Variants in ATP2C2 observed in about 807,000 individuals in gnomAD.
ATP2C2 encodes ATPase secretory pathway Ca2+ transporting 2, also known as calcium-transporting ATPase type 2C member 2.
In ATP2C2, 171 loss-of-function variants were observed where a neutral mutation model predicts 110.8. The observed-to-expected ratio is 1.54, with a 90% confidence interval of 1.36 to 1.75. ATP2C2 has a LOEUF of 1.75. Ranked by LOEUF, ATP2C2 falls within the 40% of genes most tolerant of loss-of-function variation. The probability of loss-of-function intolerance (pLI) is 0.00; values close to 1 mark genes in which losing one functional copy is unlikely to be tolerated. For missense variants in ATP2C2, 1,963 were observed against 1,235.0 expected (o/e 1.59, Z -8.84); for synonymous variants, 804 against 508.4 (o/e 1.58, Z -7.82).
Position 84,433,413 on chromosome 16 carries a change from C to T in ATP2C2, c.987-5753C>T, listed in dbSNP as rs144320286. 1.2e-3 allele frequency among the ~76,000 whole-genome samples: 85 copies of T among 68,126 alleles called. No homozygotes were observed. In the East Asian group the frequency reaches 0.016, roughly 13 times the overall value. 44.7% of individuals were successfully genotyped at this position (68,126 alleles called of 152,430 possible). On this transcript the variant is annotated intron_variant, in intron 11 of 26. Transcript: ENST00000262429. ...ACAAAAACAAAAGAAAACCAAAAAA[C>T]CAAAAAAATCTCCTGCAGATCATGA...
chr16:84,424,334 A>C (rs903929333), intron 10 of ATP2C2, among the ~76,000 whole-genome samples: 2 of 152,228 alleles, frequency 1.3e-5, no homozygotes, highest in African/African-American at 4.8e-5. Context: ...ACTGGAGAGC[A>C]GTGGCGTGAT....
At chr16:84,401,436 G>A (rs1905315363) in intron 2 of ATP2C2, among the ~76,000 whole-genome samples, 1 of 151,902 alleles carries the variant, frequency 6.6e-6, no homozygotes, top group Non-Finnish European at 1.5e-5. Flanking sequence ...TGTTGACCAG[G>A]CTGATCTCGA....
At chr16:84,417,030 G>C (rs772120230) in intron 7 of ATP2C2, among the ~76,000 whole-genome samples, 7 of 152,214 alleles carry the variant, frequency 4.6e-5, no homozygotes, top group African/African-American at 7.2e-5. Context: ...GGTGGCCAAT[G>C]ACCTGGGGTT....
At chr16:84,460,994 G>C in intron 24 of ATP2C2, 193 bp downstream of exon 24, 1 of 755,228 alleles carries the variant, frequency 1.3e-6, no homozygotes, top group South Asian at 2.5e-5. Context: ...AAGAAGGGAG[G>C]TCGCCAGGTG....
chr16:84,392,179 C>T (rs1000686842), intron 1 of ATP2C2, among the ~76,000 whole-genome samples: 1 of 152,104 alleles, frequency 6.6e-6, no homozygotes. Context: ...CTCCTGTCTA[C>T]CCCAGATTGT....
intron 11 of ATP2C2, among the ~76,000 whole-genome samples, chr16:84,434,870 C>T (rs1417308469): frequency 1.3e-5 from 2 of 152,256 alleles, no homozygotes; most frequent in East Asian, 1.9e-4. Flanking sequence ...ATGAATTCAT[C>T]CAAGTAATAC....
At chr16:84,388,285 A>G (rs1333547817) in intron 1 of ATP2C2, among the ~76,000 whole-genome samples, 1 of 152,142 alleles carries the variant, frequency 6.6e-6, no homozygotes, top group Non-Finnish European at 1.5e-5. Flanking sequence ...AGATCACGCC[A>G]CTGCACTGCA....
chr16:84,377,479 A>T (rs1910315730), intron 1 of ATP2C2, among the ~76,000 whole-genome samples: 1 of 152,092 alleles, frequency 6.6e-6, no homozygotes, highest in African/African-American at 2.4e-5. Context: ...GCAAAGTGCC[A>T]GCAGGGTTGG....
chr16:84,394,577 T>A (rs1409174823), intron 1 of ATP2C2, among the ~76,000 whole-genome samples: 1 of 152,078 alleles, frequency 6.6e-6, no homozygotes, highest in Admixed American at 6.5e-5. Context: ...TTAAATGTAT[T>A]GTCTCACAGT....
chr16:84,395,432 C>T (rs761079979), intron 1 of ATP2C2, among the ~76,000 whole-genome samples: 23 of 151,428 alleles, frequency 1.5e-4, no homozygotes, highest in Non-Finnish European at 2.4e-4. Flanking sequence ...TAGTCCTGCC[C>T]TCAAAGGCAG....
intron 11 of ATP2C2, among the ~76,000 whole-genome samples, chr16:84,432,303 A>G (rs1380940347): frequency 6.6e-6 from 1 of 152,096 alleles, no homozygotes; most frequent in Non-Finnish European, 1.5e-5. Context: ...GTTCTAGGAT[A>G]CATGTGCAGA....
intron 2 of ATP2C2, chr16:84,404,897 AC>A (rs1298529393): frequency 1.6e-6 from 1 of 636,546 alleles, no homozygotes; most frequent in Non-Finnish European, 2.9e-6. Context: ...GAAATTTAAG[AC>A]CAGAGTCGTC....
chr16:84,462,148 A>G lies in ATP2C2; in HGVS notation c.2722+19A>G, dbSNP rs764561387. ...GCGCTTGGTGAGTGGTGGGGACGGG[A>G]ACGACAGGTGACCTCGACCAGGGCC... On this transcript the variant is annotated intron_variant, in intron 26 of 26. Coordinates refer to ENST00000262429, the MANE Select transcript of ATP2C2 (RefSeq NM_014861.4). 18 of 1,606,672 alleles carry G rather than the reference A, an allele frequency of 1.1e-5. No individual in the cohort carries two copies. The highest frequency in any genetic ancestry group is 2.2e-5 in the East Asian group (1 of 44,720).
chr16:84,402,745 G>A (rs534435629), intron 2 of ATP2C2, among the ~76,000 whole-genome samples: 133 of 152,290 alleles, frequency 8.7e-4, no homozygotes, highest in African/African-American at 3.0e-3. Context: ...ATATTGGCCA[G>A]TAGTTTTCTT....
chr16:84,404,236 A>G (rs1207838752), intron 2 of ATP2C2, among the ~76,000 whole-genome samples: 1 of 152,238 alleles, frequency 6.6e-6, no homozygotes, highest in Admixed American at 6.5e-5. Flanking sequence ...GGACCCTCTC[A>G]TGGGAGGGTC....
chr16:84,458,827 C>T (rs961782880), intron 21 of ATP2C2, among the ~76,000 whole-genome samples: 3 of 152,318 alleles, frequency 2.0e-5, no homozygotes, highest in Middle Eastern at 3.4e-3. Flanking sequence ...GGATGGGGCC[C>T]CCTGGGCTCG....
intron 5 of ATP2C2, 34 bp from the exon 6 acceptor site, chr16:84,410,670 C>T (rs1172092563): frequency 1.2e-6 from 2 of 1,613,774 alleles, no homozygotes; most frequent in African/African-American, 1.3e-5. Flanking sequence ...GAGTCCCCAC[C>T]TTTAAACAGC....
chr16:84,412,237 T>A (rs1020455957), intron 6 of ATP2C2, among the ~76,000 whole-genome samples: 1 of 152,114 alleles, frequency 6.6e-6, no homozygotes, highest in Non-Finnish European at 1.5e-5. Context: ...ATTTTTATTT[T>A]TTAAACCTGA....
chr16:84,387,899 T>A (rs1904409981), intron 1 of ATP2C2, among the ~76,000 whole-genome samples: 1 of 149,374 alleles, frequency 6.7e-6, no homozygotes, highest in African/African-American at 2.5e-5. Flanking sequence ...CCAGCCAGCC[T>A]GGGTGACATA....
Sources: gnomAD v4.1 joint callset for allele counts (sites outside exome capture counted in the v4.1 genomes callset) on GRCh38, gnomAD v4.1.1 for gene constraint, MANE v1.5 for transcripts, NCBI Gene and HGNC (gene_info 2026-07-23, HGNC 2026-07-21) for gene names.